Variants in SCAF8 observed in about 807,000 individuals in gnomAD.
SCAF8 encodes SR-related CTD associated factor 8, also known as SR-related and CTD-associated factor 8.
SCAF8 carries 23 observed loss-of-function variants against 140.5 expected under a neutral mutation model. The observed-to-expected ratio is 0.16, with a 90% CI of 0.12 to 0.23. The LOEUF (loss-of-function observed/expected upper bound fraction) is 0.23. SCAF8 is among the 10% of genes least tolerant of loss of function. SCAF8 has a pLI of 1.00. For synonymous variants in SCAF8, 575 were observed against 528.9 expected, an observed-to-expected ratio of 1.09 and a Z score of -1.20; for missense variants, 1,397 against 1,555.7, an observed-to-expected ratio of 0.90 and a Z score of 1.72.
chr6:154,820,063 T>C (rs1485121742), intron 14 of SCAF8, 114 bp from the exon 15 acceptor site: 2 of 812,034 alleles, frequency 2.5e-6, no homozygotes, highest in East Asian at 3.3e-5. Context: ...CCAGCTGTTT[T>C]CTAAAACCAA....
chr6:154,742,877 A>G (rs1438402533), intron 1 of SCAF8, among the ~76,000 whole-genome samples: 1 of 152,226 alleles, frequency 6.6e-6, no homozygotes, highest in Non-Finnish European at 1.5e-5. Context: ...GACTTGAAAG[A>G]TGTAGGATTT....
At chr6:154,770,651 G>A (rs1237390721) in intron 1 of SCAF8, among the ~76,000 whole-genome samples, 1 of 152,096 alleles carries the variant, frequency 6.6e-6, no homozygotes, top group Non-Finnish European at 1.5e-5. Context: ...ATGAACAGAT[G>A]GGTGCCTTTA....
chr6:154,733,682 C>T lies in SCAF8; in HGVS notation c.-219C>T, dbSNP rs1005817686. Reference sequence around the variant, plus strand: ...CGCCTCTGTTCCCTAGAACGGCGCTCCCCCCGCCCTAGCGGCCATGCCGGT... The same window carrying T: ...CGCCTCTGTTCCCTAGAACGGCGCTTCCCCCGCCCTAGCGGCCATGCCGGT... On this transcript the variant is annotated 5_prime_UTR_variant, in exon 1 of 20. Transcript: ENST00000367178. 2 of 1,306,426 alleles carry T rather than the reference C, an allele frequency of 1.5e-6. No individual in the cohort carries two copies. Among genetic ancestry groups the T allele is most frequent in the Non-Finnish European group, 1.9e-6 (2 of 1,031,058 alleles). 80.9% of individuals were successfully genotyped at this position (1,306,426 alleles called of 1,614,324 possible). A position where few individuals can be genotyped will look rare whatever the true frequency, so the allele number is the denominator to read the frequency against.
chr6:154,750,794 T>C (rs140786561), intron 1 of SCAF8, among the ~76,000 whole-genome samples: 3 of 152,380 alleles, frequency 2.0e-5, no homozygotes, highest in African/African-American at 7.2e-5. Context: ...TCATTAGATA[T>C]AGAACCCATA....
Position 154,801,572 on chromosome 6 carries a change from A to G in SCAF8, c.607-399A>G, listed in dbSNP as rs1163471184. On this transcript the variant is annotated intron_variant, in intron 6 of 19. Transcript: ENST00000367178. ...AAACAGATTTCTTAATGACTCTCCA[A>G]CTTTCAGGAAGTACGTGCTCAGATG... Among the ~76,000 whole-genome samples the G allele has an allele frequency of 2.0e-5, 3 of 151,434 alleles. 1 individual carries two copies. The highest frequency in any genetic ancestry group is 1.9e-4 in the East Asian group (1 of 5,196).
At position 154,808,167 on chromosome 6, in the gene SCAF8, T is replaced by C. The variant is rs1378662050; in HGVS notation, c.1079T>C (p.Val360Ala). 1.2e-6 allele frequency: 2 copies of C among 1,613,820 alleles called. No homozygotes were observed. Among genetic ancestry groups the C allele is most frequent in the African/African-American group, 1.3e-5 (1 of 74,914 alleles). ...CAGCAGCATTTTCTTGAACCTGAAG[T>C]CAATTTGGATGATTCCATAGATATT... is the stretch of plus-strand genomic sequence containing the variant. ...SSQQHFLEPE[V>A]NLDDSIDIQQ... The change falls in exon 10 of 20, where the codon GTC becomes GCC. Residue 360 changes from valine (V) to alanine (A), a missense_variant. Around this residue, in one of 5 missense-constraint regions of SCAF8, gnomAD observed 339 missense variants for 407.5 expected, o/e 0.83. Coordinates refer to ENST00000367178, the MANE Select transcript of SCAF8 (RefSeq NM_014892.5).
At chr6:154,803,482 T>G in intron 7 of SCAF8, 62 bp from the exon 8 acceptor site, 1 of 1,119,588 alleles carries the variant, frequency 8.9e-7, no homozygotes, top group Non-Finnish European at 1.4e-6. Context: ...TAAAATAGCA[T>G]TTGTAACTTG....
At chr6:154,750,745 A>G (rs1360033809) in intron 1 of SCAF8, among the ~76,000 whole-genome samples, 4 of 152,146 alleles carry the variant, frequency 2.6e-5, no homozygotes, top group South Asian at 2.1e-4. Flanking sequence ...ACTGTAAGCA[A>G]TTTATTGTGT....
chr6:154,733,469 G>A lies in SCAF8; in HGVS notation c.-432G>A, dbSNP rs1256788824. ...GCGCTTCCTCCTCTGTCTTCGCCGA[G>A]CGGGGCTGGTTCCTGCGGCCCGAGC... On this transcript the variant is annotated 5_prime_UTR_variant, in exon 1 of 20. Transcript: ENST00000367178. The A allele has an allele frequency of 6.6e-6, 9 of 1,367,058 alleles. No homozygotes were observed. Among genetic ancestry groups the A allele is most frequent in the Non-Finnish European group, 8.5e-6 (9 of 1,062,888 alleles). The allele number at this position is 1,367,058 out of a possible 1,614,324, so 84.7% of individuals were successfully genotyped here. A position where few individuals can be genotyped will look rare whatever the true frequency, so the allele number is the denominator to read the frequency against.
chr6:154,817,418 T>C (rs1226875503), intron 13 of SCAF8, among the ~76,000 whole-genome samples: 5 of 152,232 alleles, frequency 3.3e-5, no homozygotes, highest in South Asian at 2.1e-4. Context: ...ATAGTACTTA[T>C]AAATAATAAG....
intron 1 of SCAF8, among the ~76,000 whole-genome samples, chr6:154,734,239 C>CTCGT (rs1778347614): frequency 6.6e-6 from 1 of 152,178 alleles, no homozygotes; most frequent in South Asian, 2.1e-4. Context: ...CGACAGGTCC[C>CTCGT]TCGAGGTCAG....
chr6:154,736,988 A>G (rs527654747), intron 1 of SCAF8, among the ~76,000 whole-genome samples: 70 of 152,334 alleles, frequency 4.6e-4, no homozygotes, highest in Middle Eastern at 3.4e-3. Flanking sequence ...TAAACACAAA[A>G]CAATACATAA....
chr6:154,773,347 G>A (rs1397893247), intron 1 of SCAF8, among the ~76,000 whole-genome samples: 1 of 152,022 alleles, frequency 6.6e-6, no homozygotes, highest in Non-Finnish European at 1.5e-5. Context: ...TTAGCATAAT[G>A]TTTTCAAGGT....
chr6:154,779,537 T>C (rs1238394724), intron 3 of SCAF8, among the ~76,000 whole-genome samples: 1 of 152,170 alleles, frequency 6.6e-6, no homozygotes, highest in Admixed American at 6.5e-5. Context: ...AGTGAATTTA[T>C]GGATAAATGC....
At position 154,832,767 on chromosome 6, in the gene SCAF8, C is replaced by T. The variant is rs749496902; in HGVS notation, c.3188C>T (p.Pro1063Leu). The change falls in exon 20 of 20, where the codon CCT becomes CTT. Residue 1063 changes from proline (P) to leucine (L), a missense_variant. By Grantham distance (98) the Pro-to-Leu change is moderately conservative. Around this residue, in one of 5 missense-constraint regions of SCAF8, gnomAD observed 930 missense variants for 874.6 expected, o/e 1.06. Transcript: ENST00000367178. ...GATGGTAGGGATCATTTTGGAAGAC[C>T]TCCTGTAGATATAAGAGAGAATCTT... ...PLDGRDHFGR[P>L]PVDIRENLVR... 2 of 1,613,786 alleles carry T rather than the reference C, an allele frequency of 1.2e-6. No individual in the cohort carries two copies. The highest frequency in any genetic ancestry group is 1.7e-6 in the Non-Finnish European group (2 of 1,179,956).
chr6:154,744,391 G>GA (rs955396494), intron 1 of SCAF8, among the ~76,000 whole-genome samples: 1 of 151,130 alleles, frequency 6.6e-6, no homozygotes, highest in African/African-American at 2.4e-5. Flanking sequence ...AAATTAAAAA[G>GA]AAAAAAAAGG....
chr6:154,746,641 A>G (rs1778706613), intron 1 of SCAF8, among the ~76,000 whole-genome samples: 2 of 152,210 alleles, frequency 1.3e-5, no homozygotes, highest in African/African-American at 4.8e-5. Flanking sequence ...CAGAATTGCT[A>G]AAGCATATAT....
chr6:154,810,249 A>G, intron 12 of SCAF8, 41 bp downstream of exon 12: 1 of 1,415,340 alleles, frequency 7.1e-7, no homozygotes, highest in East Asian at 2.4e-5. Context: ...TTCAATTAAT[A>G]TTTAAAAAAT....
chr6:154,758,788 G>C (rs1022698529), intron 1 of SCAF8, among the ~76,000 whole-genome samples: 1 of 152,154 alleles, frequency 6.6e-6, no homozygotes, highest in Admixed American at 6.5e-5. Flanking sequence ...TACCAGTGTG[G>C]TAACAGGGTC....
Sources: allele counts gnomAD v4.1 joint callset (sites outside exome capture counted in the v4.1 genomes callset), GRCh38; gene constraint gnomAD v4.1.1; regional missense constraint gnomAD v4.1.1; transcripts MANE v1.5; gene names NCBI Gene and HGNC (gene_info 2026-07-23, HGNC 2026-07-21).